Variants in PLXNA4 observed in about 807,000 individuals in gnomAD.
The protein encoded by PLXNA4 is plexin A4.
A neutral mutation model predicts 191.8 loss-of-function variants in PLXNA4; 44 were observed. The ratio of observed to expected loss-of-function variants is 0.23; its 90% CI spans 0.18 to 0.29. The LOEUF is 0.29. Ranked by LOEUF, PLXNA4 falls within the 10% of genes least tolerant of loss-of-function variation. PLXNA4 has a pLI of 1.00. For missense variants in PLXNA4, 1,800 were observed against 2,488.8 expected (o/e 0.72, Z 5.89); for synonymous variants, 1,082 against 1,009.5 (o/e 1.07, Z -1.36).
chr7:132,386,843 T>C (rs913353942), intron 3 of PLXNA4, among the ~76,000 whole-genome samples: 1 of 152,172 alleles, frequency 6.6e-6, no homozygotes, highest in Non-Finnish European at 1.5e-5. Context: ...TCAGAAAATC[T>C]TGGGGACTGC....
chr7:132,383,977 C>T (rs1805007346), intron 3 of PLXNA4: 1 of 985,394 alleles, frequency 1.0e-6, no homozygotes, highest in Non-Finnish European at 1.2e-6. Flanking sequence ...CTTGCTTTAC[C>T]CATCCCTATG....
chr7:132,570,285 A>G (rs924609219), intron 1 of PLXNA4, among the ~76,000 whole-genome samples: 7 of 152,166 alleles, frequency 4.6e-5, no homozygotes, highest in African/African-American at 1.7e-4. Context: ...ACGAACTCCA[A>G]CTGACTCTAG....
At chr7:132,551,946 A>G (rs1026741950) in intron 1 of PLXNA4, among the ~76,000 whole-genome samples, 4 of 152,144 alleles carry the variant, frequency 2.6e-5, no homozygotes, top group African/African-American at 7.2e-5. Flanking sequence ...TCAATGAGAC[A>G]TGTAATCAAG....
At chr7:132,140,874 G>A (rs1795248436) in intron 29 of PLXNA4, 63 bp from the exon 30 acceptor site, 5 of 1,587,320 alleles carry the variant, frequency 3.1e-6, no homozygotes, top group Non-Finnish European at 4.3e-6. Flanking sequence ...GGTGTGGGTA[G>A]GAGGGGTCTC....
intron 3 of PLXNA4, among the ~76,000 whole-genome samples, chr7:132,318,839 G>T (rs1802051945): frequency 6.6e-6 from 1 of 152,046 alleles, no homozygotes; most frequent in Non-Finnish European, 1.5e-5. Context: ...ATGTGTGTGC[G>T]CGGGTCTCTG....
At chr7:132,516,406 G>C (rs1461997652) in intron 1 of PLXNA4, among the ~76,000 whole-genome samples, 5 of 152,174 alleles carry the variant, frequency 3.3e-5, no homozygotes, top group African/African-American at 1.2e-4. Context: ...TCTTGTGTTA[G>C]CAAATTGGAC....
intron 2 of PLXNA4, among the ~76,000 whole-genome samples, chr7:132,597,855 C>CTA (rs1369482917): frequency 1.8e-3 from 92 of 52,032 alleles, no homozygotes; most frequent in East Asian, 6.9e-3. Context: ...CTCTCTCTCT[C>CTA]TCTCTATATA....
chr7:132,140,426 AG>A (rs1795234779), intron 30 of PLXNA4, among the ~76,000 whole-genome samples, 172 bp downstream of exon 30: 1 of 152,128 alleles, frequency 6.6e-6, no homozygotes, highest in Non-Finnish European at 1.5e-5. Flanking sequence ...TTCTGGTTTC[AG>A]GGGACAGCAG....
chr7:132,507,776 C>T lies in PLXNA4; in HGVS notation c.918G>A (p.Glu306=). ...GGTAGGCAGCCTGCAGCAGGCGGTA[C>T]TCCACCCCACTGCGCTCACAGCCAA... ...VPIGCERSGV[E]YRLLQAAYLS... is the part of the protein sequence containing the mutation. The change falls in exon 2 of 32, where the codon GAG becomes GAA. Residue 306 remains glutamate (E), a synonymous_variant. Coordinates refer to ENST00000321063, the MANE Select transcript of PLXNA4 (RefSeq NM_020911.2). The T allele has an allele frequency of 1.2e-6, 2 of 1,614,096 alleles. No homozygotes were observed. Among genetic ancestry groups the T allele is most frequent in the Non-Finnish European group, 1.7e-6 (2 of 1,180,032 alleles).
intron 3 of PLXNA4, among the ~76,000 whole-genome samples, chr7:132,428,020 C>T (rs578178229): frequency 1.0e-3 from 153 of 152,252 alleles, no homozygotes; most frequent in African/African-American, 3.4e-3. Flanking sequence ...GCAGGTGAGA[C>T]GAGGCATGGG....
chr7:132,275,205 T>C (rs897151769), intron 4 of PLXNA4, among the ~76,000 whole-genome samples: 2 of 152,274 alleles, frequency 1.3e-5, no homozygotes, highest in African/African-American at 4.8e-5. Flanking sequence ...TGATTTTGTC[T>C]TCTAATTGTT....
At chr7:132,582,796 T>A (rs892000460) in intron 2 of PLXNA4, among the ~76,000 whole-genome samples, 28 of 152,218 alleles carry the variant, frequency 1.8e-4, no homozygotes, top group Admixed American at 1.7e-3. Context: ...AGGGAAGATA[T>A]CATTCCTCTG....
intron 1 of PLXNA4, among the ~76,000 whole-genome samples, chr7:132,553,759 C>A (rs541181561): frequency 1.3e-5 from 2 of 152,222 alleles, no homozygotes; most frequent in East Asian, 3.9e-4. Context: ...GGAGAGGGTG[C>A]AAACAGCAGG....
At chr7:132,352,762 T>A (rs1803543676) in intron 3 of PLXNA4, among the ~76,000 whole-genome samples, 1 of 152,170 alleles carries the variant, frequency 6.6e-6, no homozygotes, top group African/African-American at 2.4e-5. Context: ...GCTTTGAGAA[T>A]TAATTGAGAT....
chr7:132,415,190 G>C (rs753447916), intron 3 of PLXNA4, among the ~76,000 whole-genome samples: 1 of 152,244 alleles, frequency 6.6e-6, no homozygotes, highest in Non-Finnish European at 1.5e-5. Flanking sequence ...GGTCCGAAGG[G>C]AGTTGGCGGC....
chr7:132,142,572 T>C (rs1379990803), intron 29 of PLXNA4, among the ~76,000 whole-genome samples: 1 of 152,210 alleles, frequency 6.6e-6, no homozygotes, highest in Non-Finnish European at 1.5e-5. Context: ...CAAGGATCTA[T>C]TAAGTTCCTA....
chr7:132,362,160 A>G (rs769478004), intron 3 of PLXNA4, among the ~76,000 whole-genome samples: 7 of 152,202 alleles, frequency 4.6e-5, no homozygotes, highest in African/African-American at 7.2e-5. Context: ...GACTTTATAC[A>G]TCATCAAGTA....
At chr7:132,362,569 G>A (rs1803990965) in intron 3 of PLXNA4, among the ~76,000 whole-genome samples, 1 of 152,210 alleles carries the variant, frequency 6.6e-6, no homozygotes, top group African/African-American at 2.4e-5. Context: ...TGTTAAGAAT[G>A]ACTATGGGGT....
At chr7:132,433,936 G>T (rs1028796364) in intron 3 of PLXNA4, among the ~76,000 whole-genome samples, 1 of 152,204 alleles carries the variant, frequency 6.6e-6, no homozygotes, top group African/African-American at 2.4e-5. Flanking sequence ...TTCACAGAAG[G>T]AAAAGTTGAT....
Sources: gnomAD v4.1 joint callset for allele counts (sites outside exome capture counted in the v4.1 genomes callset) on GRCh38, gnomAD v4.1.1 for gene constraint, MANE v1.5 for transcripts, NCBI Gene and HGNC (gene_info 2026-07-23, HGNC 2026-07-21) for gene names.